ATP11A: variants seen among roughly 807,000 people sequenced by gnomAD.
The protein encoded by ATP11A is phospholipid-transporting ATPase IH.
In ATP11A, 81 loss-of-function variants were observed where a neutral mutation model predicts 154.4. That is an observed-to-expected ratio of 0.52 (90% CI 0.44 to 0.63). ATP11A has a LOEUF of 0.63. Ranked by LOEUF, ATP11A falls within the 30% of genes least tolerant of loss-of-function variation. The probability of loss-of-function intolerance (pLI) is 0.00; values close to 1 mark genes in which losing one functional copy is unlikely to be tolerated. For missense variants in ATP11A, 1,316 were observed against 1,474.3 expected, an observed-to-expected ratio of 0.89 and a Z score of 1.76; for synonymous variants, 623 against 585.9, an observed-to-expected ratio of 1.06 and a Z score of -0.91.
At chr13:112,797,089 C>T (rs1021091497) in intron 2 of ATP11A, among the ~76,000 whole-genome samples, 6 of 151,728 alleles carry the variant, frequency 4.0e-5, no homozygotes, top group East Asian at 3.9e-4. Context: ...GGTGAAACCC[C>T]GTCTGTACTG....
intron 27 of ATP11A, among the ~76,000 whole-genome samples, chr13:112,874,113 C>T (rs2080638218): frequency 6.6e-6 from 1 of 152,238 alleles, no homozygotes; most frequent in African/African-American, 2.4e-5. Flanking sequence ...TGTCTCACTC[C>T]ATCCTCACGC....
At chr13:112,863,714 C>CG (rs930513492) in intron 25 of ATP11A, among the ~76,000 whole-genome samples, 3 of 66,986 alleles carry the variant, frequency 4.5e-5, no homozygotes, top group Admixed American at 1.9e-4. Context: ...AGCTTCCCAG[C>CG]GGGGTCCATC....
chr13:112,759,556 A>G (rs1395593112), intron 1 of ATP11A, among the ~76,000 whole-genome samples: 1 of 152,154 alleles, frequency 6.6e-6, no homozygotes, highest in Non-Finnish European at 1.5e-5. Context: ...GAACTTATAC[A>G]CCAGTAAAAC....
At chr13:112,763,119 T>C (rs1350986034) in intron 1 of ATP11A, among the ~76,000 whole-genome samples, 3 of 152,234 alleles carry the variant, frequency 2.0e-5, no homozygotes, top group African/African-American at 7.2e-5. Flanking sequence ...CGTGATAATT[T>C]CTATGCCTGC....
chr13:112,747,218 C>T (rs956012949), intron 1 of ATP11A: 3 of 152,212 alleles, frequency 2.0e-5, no homozygotes, highest in Non-Finnish European at 4.4e-5. Flanking sequence ...GGATGTGGTA[C>T]TCAGGTGCAG....
intron 5 of ATP11A, among the ~76,000 whole-genome samples, chr13:112,812,481 G>A (rs11619944): frequency 0.18 from 28,012 of 152,092 alleles, 2,670 homozygotes; most frequent in African/African-American, 0.19. Flanking sequence ...AGAGCCAGGT[G>A]CGTTCCAGAA....
intron 13 of ATP11A, 34 bp downstream of exon 13, chr13:112,831,582 G>T (rs1488150917): frequency 1.2e-6 from 2 of 1,603,918 alleles, no homozygotes; most frequent in Admixed American, 3.4e-5. Context: ...CCAAGTGTGT[G>T]AGTGAGTGGG....
chr13:112,775,630 T>C (rs575317269), intron 1 of ATP11A, among the ~76,000 whole-genome samples: 28 of 152,384 alleles, frequency 1.8e-4, no homozygotes, highest in African/African-American at 6.7e-4. Context: ...GGTACAAATA[T>C]AGCAAAAATG....
intron 23 of ATP11A, 103 bp from the exon 24 acceptor site, chr13:112,860,183 TG>T: frequency 7.5e-7 from 1 of 1,334,898 alleles, no homozygotes; most frequent in Non-Finnish European, 1.0e-6. Context: ...AAAAGCGCTC[TG>T]GTCTTTCTAT....
Position 112,838,435 on chromosome 13 carries a change from G to C in ATP11A, c.1705+2184G>C, listed in dbSNP as rs2079300858. Among the ~76,000 whole-genome samples the C allele has an allele frequency of 6.6e-6, 1 of 151,948 alleles. No homozygotes were observed. The highest frequency in any genetic ancestry group is 2.4e-5 in the African/African-American group (1 of 41,276). On this transcript the variant is annotated intron_variant, in intron 16 of 29. Coordinates refer to ENST00000375645, the MANE Select transcript of ATP11A (RefSeq NM_015205.3). The surrounding 1 kb of genome is among the most constrained non-coding windows in gnomAD (Gnocchi z 7.3). The stretch of plus-strand genomic sequence containing the variant: ...AGCTGTTGAGCCGTGGCTGGAACAT[G>C]CTGCCCGTGACCTGCGGGGCTGACC...
At chr13:112,759,183 A>AC (rs2076911051) in intron 1 of ATP11A, among the ~76,000 whole-genome samples, 1 of 152,170 alleles carries the variant, frequency 6.6e-6, no homozygotes, top group African/African-American at 2.4e-5. Flanking sequence ...AAAGGAAAGG[A>AC]TTAGAGCAGG....
chr13:112,787,986 G>A (rs553434142), intron 2 of ATP11A, among the ~76,000 whole-genome samples: 10 of 147,338 alleles, frequency 6.8e-5, no homozygotes, highest in African/African-American at 1.8e-4. Context: ...AATTCACACC[G>A]GATGTCCTGA....
At chr13:112,744,098 A>T (rs1020188579) in intron 1 of ATP11A, among the ~76,000 whole-genome samples, 1 of 152,194 alleles carries the variant, frequency 6.6e-6, no homozygotes. Flanking sequence ...CTTTCACGTA[A>T]GGAAGGCTTC....
At chr13:112,860,623 G>A in intron 24 of ATP11A, 1 of 563,348 alleles carries the variant, frequency 1.8e-6, no homozygotes, top group Non-Finnish European at 3.0e-6. Context: ...GATGGTTTAT[G>A]CTGCATTTGG....
chr13:112,774,068 C>G (rs2077289481), intron 1 of ATP11A, among the ~76,000 whole-genome samples: 1 of 152,226 alleles, frequency 6.6e-6, no homozygotes, highest in African/African-American at 2.4e-5. Flanking sequence ...GAATTCCCTC[C>G]TGTGTCTGGC....
Position 112,863,946 on chromosome 13 carries a change from C to A in ATP11A, c.2991+1371C>A, listed in dbSNP as rs7330602. Among the ~76,000 whole-genome samples, 21 of 48,582 alleles carry A rather than the reference C, an allele frequency of 4.3e-4. 1 individual carries two copies. Among genetic ancestry groups the A allele is most frequent in the Admixed American group, 5.5e-4 (2 of 3,610 alleles). The allele number at this position is 48,582 out of a possible 152,430, so 31.9% of individuals were successfully genotyped here. ...GCTTCCCAGCGGGGTCCATCACCAC[C>A]TGCGCAGTAATTCAGTGCGGCCCAT... On this transcript the variant is annotated intron_variant, in intron 25 of 29. Transcript: ENST00000375645.
intron 25 of ATP11A, among the ~76,000 whole-genome samples, chr13:112,866,306 C>T (rs897383885): frequency 2.0e-5 from 3 of 152,188 alleles, no homozygotes; most frequent in African/African-American, 7.2e-5. Context: ...TGCTGCCCCA[C>T]ACACCCCAGA....
chr13:112,796,084 T>G (rs1428708605), intron 2 of ATP11A, among the ~76,000 whole-genome samples: 1 of 152,254 alleles, frequency 6.6e-6, no homozygotes, highest in East Asian at 1.9e-4. Context: ...GTGCCTATAC[T>G]TTTATTGGCA....
chr13:112,835,124 G>A (rs1009724239), intron 15 of ATP11A, among the ~76,000 whole-genome samples: 10 of 152,034 alleles, frequency 6.6e-5, no homozygotes, highest in South Asian at 4.2e-4. Flanking sequence ...GCACAGTTAC[G>A]CTTTTCAGTC....
Sources: allele counts gnomAD v4.1 joint callset (sites outside exome capture counted in the v4.1 genomes callset), GRCh38; gene constraint gnomAD v4.1.1; non-coding constraint Gnocchi (gnomAD v3.1); transcripts MANE v1.5; gene names NCBI Gene and HGNC (gene_info 2026-07-23, HGNC 2026-07-21).